PCDH9: variants seen among roughly 807,000 people sequenced by gnomAD.
PCDH9 encodes protocadherin 9.
Under a neutral mutation model 70.6 loss-of-function variants are expected in PCDH9, and 24 were observed. The observed-to-expected ratio is 0.34, with a 90% CI of 0.25 to 0.48. The LOEUF (loss-of-function observed/expected upper bound fraction) is 0.48. PCDH9 is among the 20% of genes least tolerant of loss of function. The pLI, the probability that PCDH9 is intolerant of heterozygous loss-of-function variation, is 0.99. For missense variants in PCDH9, 1,281 were observed against 1,503.6 expected (o/e 0.85, Z 2.45); for synonymous variants, 562 against 558.5 (o/e 1.01, Z -0.09).
At position 66,381,236 on chromosome 13, in the gene PCDH9, A is replaced by C. The variant is rs527491797; in HGVS notation, c.3341-76208T>G. 2.0e-5 allele frequency among the ~76,000 whole-genome samples: 3 copies of C among 152,300 alleles called. No homozygotes were observed. In the East Asian group the frequency reaches 5.8e-4, roughly 29 times the overall value. On this transcript the variant is annotated intron_variant, in intron 4 of 4. Transcript: ENST00000377865. Reference sequence around the variant, plus strand: ...TCCACAGGTGACAAAATTACATCTTATAAAGAGTTTTGAATTCATTATGAA... The same window carrying C: ...TCCACAGGTGACAAAATTACATCTTCTAAAGAGTTTTGAATTCATTATGAA...
At chr13:66,528,788 C>T (rs1224311913) in intron 4 of PCDH9, among the ~76,000 whole-genome samples, 1 of 152,096 alleles carries the variant, frequency 6.6e-6, no homozygotes, top group African/African-American at 2.4e-5. Context: ...AGCTGCAAAA[C>T]TCCCCCTGAG....
chr13:66,893,968 C>T (rs12430583), intron 3 of PCDH9, among the ~76,000 whole-genome samples: 42,471 of 151,842 alleles, frequency 0.28, 6,281 homozygotes, highest in East Asian at 0.38. Flanking sequence ...TTAGTCCTTC[C>T]GTTCAATTCC....
At chr13:67,159,303 C>T (rs1308720929) in intron 2 of PCDH9, among the ~76,000 whole-genome samples, 1 of 152,082 alleles carries the variant, frequency 6.6e-6, no homozygotes, top group Non-Finnish European at 1.5e-5. Flanking sequence ...GAGTGGGCCA[C>T]CCTGTGTAGA....
chr13:66,938,655 T>A (rs1244548246), intron 2 of PCDH9, among the ~76,000 whole-genome samples: 1 of 152,174 alleles, frequency 6.6e-6, no homozygotes, highest in Non-Finnish European at 1.5e-5. Context: ...AAAGGAAATT[T>A]ATTTCCTTCT....
intron 3 of PCDH9, among the ~76,000 whole-genome samples, chr13:66,897,521 C>A (rs1485192658): frequency 2.0e-5 from 3 of 152,046 alleles, no homozygotes; most frequent in African/African-American, 4.8e-5. Context: ...GAGGGTTGAT[C>A]AAATATGCCT....
intron 2 of PCDH9, among the ~76,000 whole-genome samples, chr13:67,013,606 C>A (rs1189455089): frequency 6.6e-6 from 1 of 151,798 alleles, no homozygotes; most frequent in Non-Finnish European, 1.5e-5. Context: ...GAAACTCATG[C>A]TTCATGACCA....
At chr13:66,560,335 C>A (rs1254405166) in intron 4 of PCDH9, among the ~76,000 whole-genome samples, 2 of 152,068 alleles carry the variant, frequency 1.3e-5, no homozygotes, top group Non-Finnish European at 2.9e-5. Flanking sequence ...TATTGCAGCA[C>A]AAAGTGGGGT....
chr13:66,639,465 A>T (rs1307596752), intron 3 of PCDH9, among the ~76,000 whole-genome samples: 1 of 152,222 alleles, frequency 6.6e-6, no homozygotes, highest in Non-Finnish European at 1.5e-5. Flanking sequence ...TAAGGTGATA[A>T]GTAGTCTACT....
intron 3 of PCDH9, among the ~76,000 whole-genome samples, chr13:66,871,728 T>G (rs927691843): frequency 2.6e-5 from 4 of 152,170 alleles, no homozygotes; most frequent in Non-Finnish European, 5.9e-5. Flanking sequence ...TATATATATT[T>G]GTTATATGAG....
intron 4 of PCDH9, among the ~76,000 whole-genome samples, chr13:66,435,327 C>G (rs1191968485): frequency 6.6e-6 from 1 of 152,068 alleles, no homozygotes; most frequent in African/African-American, 2.4e-5. Context: ...CATTAAGGGA[C>G]ATTAAATATG....
intron 3 of PCDH9, among the ~76,000 whole-genome samples, chr13:66,727,336 C>T (rs982538238): frequency 6.6e-6 from 1 of 152,084 alleles, no homozygotes. Flanking sequence ...AACTTATATT[C>T]TCTTCTAAAT....
chr13:67,066,513 A>T (rs187756), intron 2 of PCDH9, among the ~76,000 whole-genome samples: 1 of 152,206 alleles, frequency 6.6e-6, no homozygotes, highest in Non-Finnish European at 1.5e-5. Context: ...GGATTATAGG[A>T]GTGAGCCACC....
rs1566154159 is a variant in PCDH9 at position 66,730,887 on chromosome 13, G to GTTGTTGTTT, written c.3139-99477_3139-99476insAAACAACAA. ...TTTTGTGTGTGTGTGTTTTTTTTTT[G>GTTGTTGTTT]TTTGTTTCTTTTTTTTTGTGGAGAC... On this transcript the variant is annotated intron_variant, in intron 3 of 4. Transcript: ENST00000377865. 6.7e-4 allele frequency among the ~76,000 whole-genome samples: 41 copies of GTTGTTGTTT among 60,772 alleles called. 1 individual carries two copies. The highest frequency in any genetic ancestry group is 2.6e-3 in the African/African-American group (41 of 16,020). The allele number at this position is 60,772 out of a possible 152,430, so 39.9% of individuals were successfully genotyped here.
chr13:67,078,478 A>C (rs2085921774), intron 2 of PCDH9, among the ~76,000 whole-genome samples: 1 of 152,088 alleles, frequency 6.6e-6, no homozygotes, highest in African/African-American at 2.4e-5. Context: ...TCAAACTGAC[A>C]CACAGTTCCT....
At chr13:66,344,723 A>G (rs1181247793) in intron 4 of PCDH9, among the ~76,000 whole-genome samples, 1 of 152,118 alleles carries the variant, frequency 6.6e-6, no homozygotes, top group Admixed American at 6.6e-5. Context: ...CTGAGATACT[A>G]AATATTCTCA....
chr13:66,762,103 T>G (rs2079638301), intron 3 of PCDH9, among the ~76,000 whole-genome samples: 1 of 152,038 alleles, frequency 6.6e-6, no homozygotes, highest in Non-Finnish European at 1.5e-5. Flanking sequence ...CCTGTAGACT[T>G]TTCAGTGGTA....
intron 4 of PCDH9, among the ~76,000 whole-genome samples, chr13:66,362,935 C>T (rs1209299324): frequency 6.6e-6 from 1 of 152,110 alleles, no homozygotes; most frequent in Non-Finnish European, 1.5e-5. Context: ...AATCCCAGCA[C>T]TTTGAGAGAC....
intron 3 of PCDH9, among the ~76,000 whole-genome samples, chr13:66,786,774 C>A (rs2080086187): frequency 6.6e-6 from 1 of 152,014 alleles, no homozygotes; most frequent in South Asian, 2.1e-4. Context: ...ACAATTAAGA[C>A]AGACATTAAA....
At chr13:66,499,233 G>C (rs1343130216) in intron 4 of PCDH9, among the ~76,000 whole-genome samples, 3 of 151,718 alleles carry the variant, frequency 2.0e-5, no homozygotes, top group African/African-American at 7.3e-5. Context: ...AAAAAGAAAA[G>C]GTGATGTTAA....
Sources: allele counts gnomAD v4.1 joint callset (sites outside exome capture counted in the v4.1 genomes callset), GRCh38; gene constraint gnomAD v4.1.1; transcripts MANE v1.5; gene names NCBI Gene and HGNC (gene_info 2026-07-23, HGNC 2026-07-21).